Variants in SLC24A2 observed in about 807,000 individuals in gnomAD.
SLC24A2 encodes solute carrier family 24 member 2, also known as sodium/potassium/calcium exchanger 2.
SLC24A2 carries 36 observed loss-of-function variants against 62.0 expected under a neutral mutation model. That is an observed-to-expected ratio of 0.58 (90% CI 0.44 to 0.77). The LOEUF is 0.77. Among genes scored for constraint, SLC24A2 ranks in the 30% least tolerant of loss-of-function variants. The pLI is 0.00. For synonymous variants in SLC24A2, 358 were observed against 294.0 expected (o/e 1.22, Z -2.23); for missense variants, 846 against 817.9 (o/e 1.03, Z -0.42).
chr9:20,239,261 T>A, the SLC24A2 span, among the ~76,000 whole-genome samples: 73 of 152,298 alleles, frequency 4.8e-4, no homozygotes, highest in Middle Eastern at 6.8e-3. Flanking sequence ...CACAAAAAAA[T>A]TTTTAAGTAT....
At chr9:20,237,301 A>T in the SLC24A2 span, among the ~76,000 whole-genome samples, 1 of 152,226 alleles carries the variant, frequency 6.6e-6, no homozygotes, top group Non-Finnish European at 1.5e-5. Context: ...AGGGGCAGAC[A>T]CTGTGCTAGG....
chr9:19,863,032 G>A, the SLC24A2 span, among the ~76,000 whole-genome samples: 3 of 151,974 alleles, frequency 2.0e-5, no homozygotes, highest in Non-Finnish European at 2.9e-5. Flanking sequence ...GACACACACT[G>A]ACTGAAAATA....
the SLC24A2 span, among the ~76,000 whole-genome samples, chr9:20,210,846 C>G: frequency 1.3e-5 from 2 of 151,156 alleles, no homozygotes; most frequent in Admixed American, 6.7e-5. Context: ...AGGGATGGGG[C>G]TTGTAAGCAA....
At chr9:19,837,497 A>ATT in the SLC24A2 span, among the ~76,000 whole-genome samples, 1 of 138,546 alleles carries the variant, frequency 7.2e-6, no homozygotes, top group Admixed American at 7.3e-5. Flanking sequence ...AAAAAAAAAG[A>ATT]AAACTGGCAC....
intron 2 of SLC24A2, among the ~76,000 whole-genome samples, chr9:19,756,802 C>G (rs1822151628): frequency 6.7e-6 from 1 of 149,628 alleles, no homozygotes; most frequent in African/African-American, 2.4e-5. Flanking sequence ...TAGTCTTTCT[C>G]TAGCAAATGC....
At chr9:20,017,500 T>C in the SLC24A2 span, among the ~76,000 whole-genome samples, 2 of 152,138 alleles carry the variant, frequency 1.3e-5, no homozygotes, top group Admixed American at 6.5e-5. Flanking sequence ...ACAGAACTAA[T>C]AGGATAGATG....
chr9:19,545,295 C>G (rs1020411624), intron 8 of SLC24A2, among the ~76,000 whole-genome samples: 4 of 151,980 alleles, frequency 2.6e-5, no homozygotes, highest in Non-Finnish European at 4.4e-5. Flanking sequence ...TTATGTTCTT[C>G]TCGAAACTGG....
chr9:19,912,347 TG>T, the SLC24A2 span, among the ~76,000 whole-genome samples: 1 of 152,196 alleles, frequency 6.6e-6, no homozygotes, highest in Non-Finnish European at 1.5e-5. Flanking sequence ...TTGAATGTCC[TG>T]GAAAAATGGT....
the SLC24A2 span, among the ~76,000 whole-genome samples, chr9:19,850,791 A>G: frequency 6.6e-6 from 1 of 150,608 alleles, no homozygotes. Flanking sequence ...GCATGTGTCA[A>G]TATTTCATTT....
the SLC24A2 span, among the ~76,000 whole-genome samples, chr9:19,831,020 C>G: frequency 6.6e-6 from 1 of 152,116 alleles, no homozygotes; most frequent in Non-Finnish European, 1.5e-5. Flanking sequence ...TGTGTCCTCA[C>G]TTGGTGGAAG....
the SLC24A2 span, among the ~76,000 whole-genome samples, chr9:19,818,940 T>G: frequency 6.6e-6 from 1 of 152,148 alleles, no homozygotes; most frequent in African/African-American, 2.4e-5. Flanking sequence ...CTACTTGATT[T>G]CAAACTATAG....
chr9:20,160,926 G>C, the SLC24A2 span, among the ~76,000 whole-genome samples: 1 of 150,340 alleles, frequency 6.7e-6, no homozygotes, highest in Admixed American at 6.6e-5. Flanking sequence ...AAAACCTATA[G>C]ATTAAGTTAA....
the SLC24A2 span, among the ~76,000 whole-genome samples, chr9:20,054,169 T>C: frequency 6.6e-5 from 10 of 152,178 alleles, no homozygotes; most frequent in African/African-American, 1.2e-4. Context: ...TTCTTTTTTC[T>C]TTTTCTTTTC....
chr9:20,190,407 C>A, the SLC24A2 span, among the ~76,000 whole-genome samples: 1 of 152,138 alleles, frequency 6.6e-6, no homozygotes. Flanking sequence ...TTTTAATCAT[C>A]TATTGTGTTT....
intron 2 of SLC24A2, among the ~76,000 whole-genome samples, chr9:19,695,717 TA>T (rs1421076120): frequency 7.1e-6 from 1 of 140,780 alleles, no homozygotes; most frequent in Non-Finnish European, 1.5e-5. Flanking sequence ...AGAAAAAATC[TA>T]ATCATTCACC....
At chr9:20,231,564 T>C in the SLC24A2 span, among the ~76,000 whole-genome samples, 1 of 152,188 alleles carries the variant, frequency 6.6e-6, no homozygotes, top group Non-Finnish European at 1.5e-5. Context: ...AGAATGCTTG[T>C]GATTTGTGCA....
the SLC24A2 span, among the ~76,000 whole-genome samples, chr9:20,060,314 C>A: frequency 6.6e-6 from 1 of 152,066 alleles, no homozygotes; most frequent in Non-Finnish European, 1.5e-5. Flanking sequence ...AAAAAGCCAG[C>A]TTTATTCCTC....
chr9:19,828,732 G>A, the SLC24A2 span, among the ~76,000 whole-genome samples: 1 of 152,158 alleles, frequency 6.6e-6, no homozygotes, highest in African/African-American at 2.4e-5. Context: ...GTGAACAGGT[G>A]TCACAAAATA....
the SLC24A2 span, among the ~76,000 whole-genome samples, chr9:19,911,085 A>G: frequency 9.2e-6 from 1 of 108,852 alleles, no homozygotes; most frequent in Non-Finnish European, 1.7e-5. Flanking sequence ...ACCCCACAAC[A>G]GTCCCCAGAG....
Sources: allele counts gnomAD v4.1 joint callset (sites outside exome capture counted in the v4.1 genomes callset), GRCh38; gene constraint gnomAD v4.1.1; transcripts MANE v1.5; gene names NCBI Gene and HGNC (gene_info 2026-07-23, HGNC 2026-07-21).